The following UGT1A9 variants were observed in gnomAD, a reference collection of about 807,000 sequenced individuals.
UGT1A9 encodes the protein UDP glucuronosyltransferase family 1 member A9.
In UGT1A9, 35 loss-of-function variants were observed where a neutral mutation model predicts 45.0. The observed-to-expected ratio is 0.78, with a 90% CI of 0.59 to 1.03. The LOEUF (loss-of-function observed/expected upper bound fraction) is 1.03. Ranked by LOEUF, UGT1A9 falls within the 50% of genes least tolerant of loss-of-function variation. The pLI, the probability that UGT1A9 is intolerant of heterozygous loss-of-function variation, is 0.00. For synonymous variants in UGT1A9, 278 were observed against 250.6 expected (o/e 1.11, Z -1.03); for missense variants, 687 against 666.6 (o/e 1.03, Z -0.34).
intron 1 of UGT1A9, chr2:233,693,473 G>T: frequency 6.2e-7 from 1 of 1,614,174 alleles, no homozygotes; most frequent in Non-Finnish European, 8.5e-7. Flanking sequence ...ACCCTGTGGG[G>T]TGATCCTGGC....
intron 1 of UGT1A9, chr2:233,692,729 T>C (rs1309598477): frequency 3.2e-6 from 3 of 927,358 alleles, no homozygotes; most frequent in Non-Finnish European, 4.3e-6. Flanking sequence ...GCTATAACTT[T>C]TCAGAGAGGG....
Position 233,737,292 on chromosome 2 carries a change from G to A in UGT1A9, c.856-29742G>A, listed in dbSNP as rs573133918. On this transcript the variant is annotated intron_variant, in intron 1 of 4. Transcript: ENST00000354728. ...ACACCCCTCACCCAGCCAGGCTGCC[G>A]CCTCACAGTTCAATCTCAGACTGCT... Among the ~76,000 whole-genome samples, 15 of 152,312 alleles carry A rather than the reference G, an allele frequency of 9.8e-5. No homozygotes were observed. The East Asian group carries it at 1.7e-3, about 18-fold the overall frequency.
At chr2:233,718,875 C>T in intron 1 of UGT1A9, 1 of 1,613,984 alleles carries the variant, frequency 6.2e-7, no homozygotes, top group Middle Eastern at 1.7e-4. Context: ...ACTGCTGCTC[C>T]TCCTCAGTGT....
intron 1 of UGT1A9, among the ~76,000 whole-genome samples, chr2:233,699,953 G>A (rs1257269437): frequency 1.3e-5 from 2 of 152,194 alleles, no homozygotes; most frequent in Admixed American, 6.5e-5. Flanking sequence ...TACAATGTGT[G>A]AAAAATACCC....
intron 1 of UGT1A9, among the ~76,000 whole-genome samples, chr2:233,680,125 C>G (rs542971913): frequency 3.3e-5 from 5 of 152,134 alleles, no homozygotes; most frequent in African/African-American, 9.6e-5. Flanking sequence ...TCTACGGTAC[C>G]TATCAAGTAA....
At chr2:233,689,780 T>C in intron 1 of UGT1A9, 1 of 400,764 alleles carries the variant, frequency 2.5e-6, no homozygotes, top group South Asian at 1.9e-5. Context: ...GGGACATATG[T>C]TATGATGTGA....
chr2:233,695,265 A>G (rs1276719886), intron 1 of UGT1A9, among the ~76,000 whole-genome samples: 2 of 151,894 alleles, frequency 1.3e-5, no homozygotes, highest in African/African-American at 4.8e-5. Context: ...AGCTGGGACT[A>G]TAGGCATGTG....
At chr2:233,763,534 C>T (rs545430015) in intron 1 of UGT1A9, among the ~76,000 whole-genome samples, 5 of 152,184 alleles carry the variant, frequency 3.3e-5, no homozygotes, top group Admixed American at 1.3e-4. Context: ...CTCCTTTTTC[C>T]GGATTTCTAC....
At chr2:233,694,669 C>T (rs2075233719) in intron 1 of UGT1A9, among the ~76,000 whole-genome samples, 1 of 152,152 alleles carries the variant, frequency 6.6e-6, no homozygotes, top group Admixed American at 6.5e-5. Context: ...GAGAGAAAGC[C>T]TCAAACAGGT....
chr2:233,690,208 T>A lies in UGT1A9; in HGVS notation c.855+17419T>A, dbSNP rs181844455. 1.8e-4 allele frequency among the ~76,000 whole-genome samples: 27 copies of A among 152,382 alleles called. No homozygotes were observed. In the East Asian group the frequency reaches 5.0e-3, roughly 28 times the overall value. ...TCATAAAATATTCATAAATTCAATG[T>A]TTGCCATTTTAGTATTCTAGATTCA... On this transcript the variant is annotated intron_variant, in intron 1 of 4. Transcript: ENST00000354728.
intron 1 of UGT1A9, chr2:233,693,996 G>A: frequency 6.6e-7 from 1 of 1,508,250 alleles, no homozygotes; most frequent in South Asian, 1.3e-5. Context: ...GTGATACCCG[G>A]CTCGGAGCAG....
intron 1 of UGT1A9, among the ~76,000 whole-genome samples, chr2:233,708,991 A>G (rs551538751): frequency 6.6e-6 from 1 of 152,226 alleles, no homozygotes; most frequent in East Asian, 1.9e-4. Flanking sequence ...CGGCCGTGGC[A>G]TCCTTCTCAG....
Position 233,772,276 on chromosome 2 carries a change from T to C in UGT1A9, c.1310T>C (p.Ile437Thr). 6.2e-7 allele frequency: 1 copy of C among 1,614,240 alleles called. No homozygotes were observed. The highest frequency in any genetic ancestry group is 8.5e-7 in the Non-Finnish European group (1 of 1,180,050). ...VINDKSYKEN[I>T]MRLSSLHKDR... ...TTTGTGTTTAGTTACAAGGAGAACA[T>C]CATGCGCCTCTCCAGCCTTCACAAG... The change falls in exon 5 of 5, where the codon ATC (isoleucine) becomes ACC (threonine). Residue 437 changes from isoleucine to threonine, a missense_variant. By Grantham distance (89) the Ile-to-Thr change is moderately conservative. Coordinates refer to ENST00000354728, the MANE Select transcript of UGT1A9 (RefSeq NM_021027.3).
At chr2:233,713,329 G>T (rs1283869800) in intron 1 of UGT1A9, 2 of 1,614,226 alleles carry the variant, frequency 1.2e-6, no homozygotes, top group South Asian at 1.1e-5. Context: ...TTTTCTAGAA[G>T]AATGGCAATT....
intron 1 of UGT1A9, chr2:233,743,354 T>G (rs1575654135): frequency 1.0e-6 from 1 of 972,108 alleles, no homozygotes; most frequent in South Asian, 1.3e-5. Flanking sequence ...GACATGGACT[T>G]GAAGCTGCCT....
chr2:233,745,589 C>T (rs984719632), intron 1 of UGT1A9, among the ~76,000 whole-genome samples: 4 of 151,622 alleles, frequency 2.6e-5, no homozygotes, highest in East Asian at 1.9e-4. Flanking sequence ...ACCTGAGACC[C>T]GGACTTGGCA....
chr2:233,759,624 A>G (rs1433114385), intron 1 of UGT1A9, among the ~76,000 whole-genome samples: 1 of 80,994 alleles, frequency 1.2e-5, no homozygotes, highest in Non-Finnish European at 2.2e-5. Context: ...CCACCTGTTC[A>G]TTTCCTTCTT....
intron 1 of UGT1A9, among the ~76,000 whole-genome samples, chr2:233,694,463 G>A (rs1428276750): frequency 6.6e-6 from 1 of 152,180 alleles, no homozygotes; most frequent in African/African-American, 2.4e-5. Flanking sequence ...TTCAGCAAAA[G>A]GGGTATGGCC....
intron 1 of UGT1A9, among the ~76,000 whole-genome samples, chr2:233,710,543 A>G (rs2076136295): frequency 6.6e-6 from 1 of 152,198 alleles, no homozygotes; most frequent in Admixed American, 6.5e-5. Flanking sequence ...CTTATTGATC[A>G]TATGCCTGTT....
Sources: gnomAD v4.1 joint callset for allele counts (sites outside exome capture counted in the v4.1 genomes callset) on GRCh38, gnomAD v4.1.1 for gene constraint, MANE v1.5 for transcripts, NCBI Gene and HGNC (gene_info 2026-07-23, HGNC 2026-07-21) for gene names.